Variants in MTAP observed in about 807,000 individuals in gnomAD.
The protein encoded by MTAP is S-methyl-5'-thioadenosine phosphorylase.
A neutral mutation model predicts 33.6 loss-of-function variants in MTAP; 33 were observed. That is an observed-to-expected ratio of 0.98 (90% confidence interval 0.74 to 1.31). MTAP has a LOEUF of 1.31. Ranked by LOEUF, MTAP falls within the 40% of genes most tolerant of loss-of-function variation. The pLI is 0.00. For missense variants in MTAP, 367 were observed against 360.0 expected, an observed-to-expected ratio of 1.02 and a Z score of -0.16; for synonymous variants, 148 against 125.7, an observed-to-expected ratio of 1.18 and a Z score of -1.19.
intron 4 of MTAP, among the ~76,000 whole-genome samples, chr9:21,835,712 A>C (rs1825087976): frequency 6.6e-6 from 1 of 152,190 alleles, no homozygotes; most frequent in Admixed American, 6.5e-5. Context: ...TTTTGAGGGC[A>C]TCATCCACTC....
At chr9:21,927,762 T>A (rs1055595567) in intron 1 of MTAP, among the ~76,000 whole-genome samples, 1 of 152,078 alleles carries the variant, frequency 6.6e-6, no homozygotes, top group Non-Finnish European at 1.5e-5. Context: ...GCCCTAAAAC[T>A]TGGGGAAAGA....
chr9:21,929,371 A>T (rs1362358486), intron 1 of MTAP: 1 of 158,420 alleles, frequency 6.3e-6, no homozygotes. Flanking sequence ...CACTATTTTA[A>T]TCCCAACTTG....
chr9:21,851,968 C>T (rs912286262), intron 5 of MTAP, among the ~76,000 whole-genome samples: 2 of 152,068 alleles, frequency 1.3e-5, no homozygotes, highest in African/African-American at 2.4e-5. Flanking sequence ...ATTGTGGGAC[C>T]TTGTGATCAT....
At chr9:21,812,056 T>G (rs1824364624) in intron 1 of MTAP, 1 of 239,910 alleles carries the variant, frequency 4.2e-6, no homozygotes, top group South Asian at 5.3e-5. Context: ...CAGGCAGCCA[T>G]CATATTCTTG....
rs571249891 is a variant in MTAP, at chr9:21,858,529, G to T, written c.691-774G>T. ...ACATGGTGGGAGCAGGAGCAAGAGA[G>T]AGTGAGAGGAGAGGTGCTGTACACT... On this transcript the variant is annotated intron_variant, in intron 6 of 7. Coordinates refer to ENST00000644715, the MANE Select transcript of MTAP (RefSeq NM_002451.4). 1.1e-4 allele frequency among the ~76,000 whole-genome samples: 17 copies of T among 152,284 alleles called. No homozygotes were observed. In the East Asian group the frequency reaches 3.3e-3, roughly 29 times the overall value.
chr9:21,867,700 T>C (rs929531904), downstream of MTAP, among the ~76,000 whole-genome samples: 4 of 141,978 alleles, frequency 2.8e-5, no homozygotes, highest in African/African-American at 1.0e-4. Context: ...AAAAATAAAC[T>C]TCAAAAAAAA....
At chr9:21,914,418 T>A (rs1818639696) in intron 1 of MTAP, among the ~76,000 whole-genome samples, 1 of 152,140 alleles carries the variant, frequency 6.6e-6, no homozygotes, top group Non-Finnish European at 1.5e-5. Context: ...AAAGAAAATG[T>A]TGTACATATA....
intron 2 of MTAP, among the ~76,000 whole-genome samples, chr9:21,815,787 A>G (rs1824458904): frequency 6.6e-6 from 1 of 152,108 alleles, no homozygotes. Flanking sequence ...TCAGATACTC[A>G]TTTCAGACCA....
intron 4 of MTAP, among the ~76,000 whole-genome samples, chr9:21,824,467 C>T (rs1039191248): frequency 1.7e-4 from 26 of 152,300 alleles, no homozygotes; most frequent in Admixed American, 1.3e-3. Flanking sequence ...CTGGAAGCTT[C>T]GTCTCAGAGG....
At chr9:21,920,921 A>T (rs1360440023) in intron 1 of MTAP, among the ~76,000 whole-genome samples, 1 of 152,172 alleles carries the variant, frequency 6.6e-6, no homozygotes, top group Non-Finnish European at 1.5e-5. Flanking sequence ...GGTAATGCTG[A>T]CCTTGTAGAA....
At chr9:21,886,953 TG>T (rs1345207525) in intron 1 of MTAP, among the ~76,000 whole-genome samples, 5 of 152,154 alleles carry the variant, frequency 3.3e-5, no homozygotes, top group Admixed American at 1.3e-4. Context: ...ATTTTAGGAT[TG>T]TTTTTTCTAG....
intron 1 of MTAP, among the ~76,000 whole-genome samples, chr9:21,876,277 C>T (rs986992546): frequency 4.6e-5 from 7 of 151,890 alleles, no homozygotes; most frequent in African/African-American, 1.7e-4. Context: ...AGATGTTTGT[C>T]AAATGCATAG....
At chr9:21,896,085 C>A (rs1818287076) in intron 1 of MTAP, among the ~76,000 whole-genome samples, 1 of 152,162 alleles carries the variant, frequency 6.6e-6, no homozygotes, top group Admixed American at 6.5e-5. Context: ...TGCAATCAAA[C>A]TAGAACTCAG....
intron 1 of MTAP, among the ~76,000 whole-genome samples, chr9:21,808,452 G>A (rs922857292): frequency 6.6e-6 from 1 of 151,596 alleles, no homozygotes; most frequent in African/African-American, 2.4e-5. Flanking sequence ...TTAGCCAGGC[G>A]TGGCGGTGCA....
At chr9:21,919,500 AC>A (rs1471979067) in intron 1 of MTAP, among the ~76,000 whole-genome samples, 1 of 152,194 alleles carries the variant, frequency 6.6e-6, no homozygotes, top group Non-Finnish European at 1.5e-5. Flanking sequence ...TTTGTAAACC[AC>A]TTTTGGATCC....
chr9:21,921,146 T>C (rs1001477935), intron 1 of MTAP, among the ~76,000 whole-genome samples: 6 of 152,086 alleles, frequency 3.9e-5, no homozygotes, highest in African/African-American at 1.4e-4. Flanking sequence ...TTCAGTAATT[T>C]ATCAATGTCT....
intron 1 of MTAP, among the ~76,000 whole-genome samples, chr9:21,915,888 A>T (rs1818679873): frequency 6.6e-6 from 1 of 152,078 alleles, no homozygotes; most frequent in Non-Finnish European, 1.5e-5. Context: ...TACAAAAATT[A>T]GCCAAGTATG....
intron 1 of MTAP, among the ~76,000 whole-genome samples, chr9:21,918,344 C>A (rs1401004938): frequency 1.3e-5 from 1 of 79,908 alleles, no homozygotes; most frequent in Non-Finnish European, 1.9e-5. Flanking sequence ...AACGAGACTC[C>A]GTCTCAAAAA....
At chr9:21,894,727 C>T (rs1366002410) in intron 1 of MTAP, among the ~76,000 whole-genome samples, 3 of 151,510 alleles carry the variant, frequency 2.0e-5, no homozygotes, top group Non-Finnish European at 4.4e-5. Flanking sequence ...CACATGTACC[C>T]TAGAACTCAA....
Sources: gnomAD v4.1 joint callset for allele counts (sites outside exome capture counted in the v4.1 genomes callset) on GRCh38, gnomAD v4.1.1 for gene constraint, MANE v1.5 for transcripts, NCBI Gene and HGNC (gene_info 2026-07-23, HGNC 2026-07-21) for gene names.